ITPK1: variants seen among roughly 807,000 people sequenced by gnomAD.
The protein encoded by ITPK1 is inositol 1,3,4-trisphosphate 5/6-kinase.
Under a neutral mutation model 45.3 loss-of-function variants are expected in ITPK1, and 21 were observed. That is an observed-to-expected ratio of 0.46 (90% confidence interval 0.33 to 0.67). The LOEUF (loss-of-function observed/expected upper bound fraction) is 0.67. Among genes scored for constraint, ITPK1 ranks in the 30% least tolerant of loss-of-function variants. ITPK1 has a pLI of 0.02. For missense variants in ITPK1, 474 were observed against 573.5 expected (o/e 0.83, Z 1.77); for synonymous variants, 258 against 253.6 (o/e 1.02, Z -0.16).
rs780789303 is a variant in ITPK1, at chr14:93,115,250, C to T, written c.-87G>A. 4.8e-6 allele frequency: 4 copies of T among 836,900 alleles called. No individual in the cohort carries two copies. The highest frequency in any genetic ancestry group is 7.6e-6 in the Non-Finnish European group (4 of 522,920). The allele number at this position is 836,900 out of a possible 1,614,324, so 51.8% of individuals were successfully genotyped here. A position where few individuals can be genotyped will look rare whatever the true frequency, so the allele number is the denominator to read the frequency against. ...CCGGCGCGCGCCGCGAGCGAGTGGG[C>T]ACCTCCTCCCGGCGGCGGGGACGCG... On this transcript the variant is annotated 5_prime_UTR_variant, in exon 2 of 11. Coordinates refer to ENST00000267615, the MANE Select transcript of ITPK1 (RefSeq NM_014216.6).
chr14:93,105,130 T>A (rs1892470294), intron 2 of ITPK1, among the ~76,000 whole-genome samples: 1 of 152,182 alleles, frequency 6.6e-6, no homozygotes, highest in Admixed American at 6.5e-5. Flanking sequence ...CTGGTGCCCC[T>A]GCCATGTCTC....
intron 2 of ITPK1, among the ~76,000 whole-genome samples, chr14:93,081,694 G>A (rs1891439681): frequency 6.6e-6 from 1 of 152,256 alleles, no homozygotes. Flanking sequence ...GACCGGTGCT[G>A]AGAAGAGTAC....
At chr14:93,015,151 A>T (rs991823640) in intron 4 of ITPK1, among the ~76,000 whole-genome samples, 1 of 152,196 alleles carries the variant, frequency 6.6e-6, no homozygotes, top group African/African-American at 2.4e-5. Context: ...GGTTGGAGGC[A>T]GAGAGGAACA....
intron 3 of ITPK1, among the ~76,000 whole-genome samples, chr14:93,042,644 G>C (rs73332192): frequency 2.0e-5 from 3 of 152,150 alleles, no homozygotes; most frequent in African/African-American, 7.2e-5. Flanking sequence ...TGGGGCTTGT[G>C]GGGTGGCTGC....
chr14:92,941,404 T>C lies in ITPK1; in HGVS notation c.*157A>G. 7.0e-7 allele frequency: 1 copy of C among 1,419,076 alleles called. No homozygotes were observed. The highest frequency in any genetic ancestry group is 9.1e-7 in the Non-Finnish European group (1 of 1,094,060). 87.9% of individuals were successfully genotyped at this position (1,419,076 alleles called of 1,614,324 possible). A position where few individuals can be genotyped will look rare whatever the true frequency, so the allele number is the denominator to read the frequency against. ...ACTCTCTTCCATCCCCCACTACCCCTCATTTAGATCATGACATCAGAGAAT... is the reference window on the plus strand; with the variant it reads ...ACTCTCTTCCATCCCCCACTACCCCCCATTTAGATCATGACATCAGAGAAT... On this transcript the variant is annotated 3_prime_UTR_variant, in exon 11 of 11. Transcript: ENST00000267615.
intron 3 of ITPK1, among the ~76,000 whole-genome samples, chr14:93,073,931 G>T (rs1891118485): frequency 6.6e-6 from 1 of 152,138 alleles, no homozygotes; most frequent in African/African-American, 2.4e-5. Flanking sequence ...CAGGAAGACG[G>T]CTGGCAGCAA....
chr14:92,957,648 A>C (rs990034537), intron 8 of ITPK1, among the ~76,000 whole-genome samples: 1 of 152,226 alleles, frequency 6.6e-6, no homozygotes, highest in African/African-American at 2.4e-5. Flanking sequence ...AAACACGCTC[A>C]CTGGCACGGT....
At chr14:92,970,819 T>C (rs2139760841) in intron 5 of ITPK1, among the ~76,000 whole-genome samples, 1 of 152,154 alleles carries the variant, frequency 6.6e-6, no homozygotes, top group East Asian at 1.9e-4. Flanking sequence ...ATTTTTTTAG[T>C]AGAGATGGGG....
intron 4 of ITPK1, 85 bp from the exon 5 acceptor site, chr14:92,994,082 G>T: frequency 2.4e-6 from 2 of 824,674 alleles, no homozygotes; most frequent in South Asian, 2.8e-5. Context: ...ACGTCCATCC[G>T]TTCCTGTCCT....
At chr14:93,044,940 G>A (rs1889717305) in intron 3 of ITPK1, among the ~76,000 whole-genome samples, 2 of 152,224 alleles carry the variant, frequency 1.3e-5, no homozygotes, top group Admixed American at 6.5e-5. Context: ...TTTAGCACCA[G>A]GACTCCTGGC....
intron 2 of ITPK1, among the ~76,000 whole-genome samples, chr14:93,085,094 C>T (rs140500994): frequency 1.1e-3 from 164 of 152,364 alleles, no homozygotes; most frequent in African/African-American, 3.8e-3. Context: ...CACCCCTGCC[C>T]GCCTGCCCTG....
intron 3 of ITPK1, among the ~76,000 whole-genome samples, chr14:93,022,219 C>A (rs527346264): frequency 1.1e-4 from 17 of 152,274 alleles, no homozygotes; most frequent in African/African-American, 3.9e-4. Flanking sequence ...GATAAGCACA[C>A]CCACTCCCAG....
intron 2 of ITPK1, among the ~76,000 whole-genome samples, chr14:93,096,807 TTCA>T (rs1892099517): frequency 6.6e-6 from 1 of 152,124 alleles, no homozygotes; most frequent in Non-Finnish European, 1.5e-5. Context: ...AAAAATGAAC[TTCA>T]TCATGGAGGT....
chr14:92,952,044 A>G, intron 8 of ITPK1, 31 bp from the exon 9 acceptor site: 3 of 1,542,796 alleles, frequency 1.9e-6, no homozygotes, highest in Non-Finnish European at 2.6e-6. Flanking sequence ...AGCCGGCGTT[A>G]GAACCTCAAT....
intron 5 of ITPK1, among the ~76,000 whole-genome samples, chr14:92,970,638 A>AT (rs796634667): frequency 0.23 from 33,339 of 143,708 alleles, 3,952 homozygotes; most frequent in East Asian, 0.31. Flanking sequence ...TCGCAGCATC[A>AT]TTTTTTTTTT....
At chr14:93,080,778 C>T (rs2139990595) in intron 2 of ITPK1, among the ~76,000 whole-genome samples, 1 of 152,210 alleles carries the variant, frequency 6.6e-6, no homozygotes, top group South Asian at 2.1e-4. Flanking sequence ...GCTCTATCGC[C>T]CAGGCTGGAG....
chr14:93,043,841 G>C (rs1332856591), intron 3 of ITPK1, among the ~76,000 whole-genome samples: 1 of 152,090 alleles, frequency 6.6e-6, no homozygotes, highest in Non-Finnish European at 1.5e-5. Context: ...TTCCTCTCCT[G>C]CCGCCCACCT....
At chr14:93,056,546 A>T (rs1193207195) in intron 3 of ITPK1, among the ~76,000 whole-genome samples, 1 of 152,210 alleles carries the variant, frequency 6.6e-6, no homozygotes, top group Non-Finnish European at 1.5e-5. Context: ...CCAAGGGAAG[A>T]GGGACCAAGA....
intron 3 of ITPK1, among the ~76,000 whole-genome samples, chr14:93,039,412 G>A (rs780346541): frequency 1.3e-5 from 2 of 152,166 alleles, no homozygotes; most frequent in Admixed American, 6.5e-5. Flanking sequence ...GGAGGCCAAG[G>A]CAGGAGAATC....
Sources: allele counts gnomAD v4.1 joint callset (sites outside exome capture counted in the v4.1 genomes callset), GRCh38; gene constraint gnomAD v4.1.1; transcripts MANE v1.5; gene names NCBI Gene and HGNC (gene_info 2026-07-23, HGNC 2026-07-21).